The following KANK1 variants were observed in gnomAD, a reference collection of about 807,000 sequenced individuals.
KANK1 encodes KN motif and ankyrin repeat domain-containing protein 1.
Under a neutral mutation model 106.2 loss-of-function variants are expected in KANK1, and 109 were observed. The ratio of observed to expected loss-of-function variants is 1.03; its 90% confidence interval spans 0.88 to 1.20. The LOEUF (loss-of-function observed/expected upper bound fraction) is 1.20. KANK1 is among the 50% of genes most tolerant of loss of function. The pLI is 0.00. For synonymous variants in KANK1, 873 were observed against 652.2 expected (o/e 1.34, Z -5.16); for missense variants, 2,399 against 1,710.7 (o/e 1.40, Z -7.10).
chr9:573,574 A>AT (rs549021319), intron 1 of KANK1, among the ~76,000 whole-genome samples: 10 of 150,162 alleles, frequency 6.7e-5, no homozygotes, highest in Middle Eastern at 3.2e-3. Context: ...CCGGTCAAGG[A>AT]TTTTTTTTTT....
In KANK1 at chr9:504,758, A is replaced by AGTGACGCGGCGGGGCC. The variant is rs2058650479; in HGVS notation, c.-84+8_-84+23dup. On this transcript the variant is annotated splice_donor_region_variant and intron_variant, in intron 1 of 11. Transcript: ENST00000382297. Reference sequence around the variant, plus strand: ...AGGTTGGGAGGAGCGGCCGAAGGTGAGTGACGCGGCGGGGCCGTGCCGCGC... The same window carrying AGTGACGCGGCGGGGCC: ...AGGTTGGGAGGAGCGGCCGAAGGTGAGTGACGCGGCGGGGCCGTGACGCGGCGGGGCCGTGCCGCGC... The AGTGACGCGGCGGGGCC allele has an allele frequency of 1.3e-5, 1 of 75,460 alleles. No homozygotes were observed. Among genetic ancestry groups the AGTGACGCGGCGGGGCC allele is most frequent in the African/African-American group, 5.1e-5 (1 of 19,728 alleles). The allele number at this position is 75,460 out of a possible 1,614,324, so 4.7% of individuals were successfully genotyped here.
intron 4 of KANK1, 74 bp from the exon 5 acceptor site, chr9:731,084 A>C: frequency 1.4e-6 from 1 of 730,722 alleles, no homozygotes; most frequent in Non-Finnish European, 2.3e-6. Context: ...TGAGAAAAGA[A>C]CTGTACAGGA....
At chr9:617,736 C>T (rs959915997) in intron 1 of KANK1, among the ~76,000 whole-genome samples, 1 of 152,224 alleles carries the variant, frequency 6.6e-6, no homozygotes, top group Non-Finnish European at 1.5e-5. Flanking sequence ...GCAGACATTC[C>T]GATCAGCAGG....
At chr9:616,573 C>A (rs1427235161) in intron 1 of KANK1, among the ~76,000 whole-genome samples, 1 of 152,182 alleles carries the variant, frequency 6.6e-6, no homozygotes, top group African/African-American at 2.4e-5. Flanking sequence ...TACTTTATAT[C>A]CTCTATCCTT....
chr9:655,492 C>T (rs1362027204), intron 1 of KANK1, among the ~76,000 whole-genome samples: 1 of 152,104 alleles, frequency 6.6e-6, no homozygotes, highest in Non-Finnish European at 1.5e-5. Context: ...AACCAGTGCT[C>T]CTTCCACTTC....
At chr9:726,973 T>G (rs958204686) in intron 3 of KANK1, among the ~76,000 whole-genome samples, 3 of 152,208 alleles carry the variant, frequency 2.0e-5, no homozygotes, top group African/African-American at 7.2e-5. Flanking sequence ...TCAATTAAAA[T>G]AAAAAATTAT....
At chr9:576,664 T>C (rs1284169116) in intron 1 of KANK1, among the ~76,000 whole-genome samples, 1 of 152,158 alleles carries the variant, frequency 6.6e-6, no homozygotes, top group Non-Finnish European at 1.5e-5. Flanking sequence ...ATGCAGTTTG[T>C]GTTGGAGATA....
At chr9:540,114 A>G (rs1021144099) in intron 1 of KANK1, among the ~76,000 whole-genome samples, 3 of 152,176 alleles carry the variant, frequency 2.0e-5, no homozygotes, top group Non-Finnish European at 1.5e-5. Flanking sequence ...TTTGCTCCTG[A>G]TCTTAGAGGA....
chr9:649,690 A>C (rs1170303747), intron 1 of KANK1, among the ~76,000 whole-genome samples: 1 of 152,184 alleles, frequency 6.6e-6, no homozygotes, highest in East Asian at 1.9e-4. Flanking sequence ...GAAGACTGGC[A>C]TTCCTTCTTA....
At chr9:520,195 G>C (rs564002343) in intron 1 of KANK1, among the ~76,000 whole-genome samples, 3 of 151,706 alleles carry the variant, frequency 2.0e-5, no homozygotes, top group African/African-American at 7.3e-5. Flanking sequence ...AAAATTAGCC[G>C]TGTGTGGTAG....
Position 528,826 on chromosome 9 carries a change from G to A in KANK1, c.-84+24072G>A, listed in dbSNP as rs562170025. Among the ~76,000 whole-genome samples, 14 of 152,022 alleles carry A rather than the reference G, an allele frequency of 9.2e-5. No homozygotes were observed. The South Asian group carries it at 2.7e-3, about 29-fold the overall frequency. ...CTCAATTTTTTTTTCTTTGAGGCAG[G>A]ATCTTATTTGTAAGCCAGGCTGGAA... On this transcript the variant is annotated intron_variant, in intron 1 of 11. Transcript: ENST00000382297.
intron 2 of KANK1, chr9:693,292 C>A: frequency 1.4e-6 from 1 of 725,606 alleles, no homozygotes; most frequent in South Asian, 6.2e-5. Context: ...ATTTCCTTCA[C>A]AAGCCAGCTG....
In KANK1 at chr9:666,014, T is replaced by TA. The variant is rs562316511; in HGVS notation, c.-83-10867dup. Among the ~76,000 whole-genome samples the TA allele has an allele frequency of 3.7e-3, 563 of 151,020 alleles. 2 individuals are homozygous for TA. Among genetic ancestry groups the TA allele is most frequent in the Middle Eastern group, 6.8e-3 (2 of 292 alleles). On this transcript the variant is annotated intron_variant, in intron 1 of 11. Coordinates refer to ENST00000382297, the MANE Select transcript of KANK1 (RefSeq NM_015158.5). ...GGGCAGCATAGTGTGACCTCATCTCTAAAAAAAAATCAAAATATTAGCCAG... is the reference window on the plus strand; with the variant it reads ...GGGCAGCATAGTGTGACCTCATCTCTAAAAAAAAAATCAAAATATTAGCCAG...
At chr9:612,542 A>C (rs1830817188) in intron 1 of KANK1, among the ~76,000 whole-genome samples, 1 of 152,192 alleles carries the variant, frequency 6.6e-6, no homozygotes, top group Non-Finnish European at 1.5e-5. Flanking sequence ...TCTGCCTTTT[A>C]GTAAGCCTTT....
intron 1 of KANK1, among the ~76,000 whole-genome samples, chr9:636,467 C>G (rs1236183608): frequency 6.6e-6 from 1 of 152,112 alleles, no homozygotes; most frequent in Non-Finnish European, 1.5e-5. Context: ...CCACAGCATT[C>G]AGGACAATAT....
At chr9:574,849 C>T (rs1165954178) in intron 1 of KANK1, among the ~76,000 whole-genome samples, 16 of 134,462 alleles carry the variant, frequency 1.2e-4, no homozygotes, top group South Asian at 2.3e-4. Flanking sequence ...AGTGAGACTC[C>T]GTCTCAAAAA....
rs767399253 is a variant in KANK1 at position 711,786 on chromosome 9, A to G, written c.1020A>G (p.Arg340=). The stretch of plus-strand genomic sequence containing the variant: ...TGGAACAGCTCTCCCGGGCCCGAAG[A>G]AGTGGCGGGGAATTATACATTGACT... ...SQLEQLSRAR[R]SGGELYIDYE... Residue 340 remains arginine, a synonymous_variant, in exon 3 of 12, where the codon AGA becomes AGG. Transcript: ENST00000382297. 6.2e-7 allele frequency: 1 copy of G among 1,614,046 alleles called. No individual in the cohort carries two copies. The highest frequency in any genetic ancestry group is 1.1e-5 in the South Asian group (1 of 91,090).
intron 1 of KANK1, among the ~76,000 whole-genome samples, chr9:580,715 G>T (rs7852783): frequency 0.3 from 45,526 of 152,188 alleles, 7,251 homozygotes; most frequent in African/African-American, 0.39. Context: ...TCACCTAGTG[G>T]ATCCCGCACT....
intron 9 of KANK1, 102 bp downstream of exon 9, chr9:741,036 C>T (rs1007773262): frequency 6.7e-5 from 91 of 1,349,356 alleles, no homozygotes; most frequent in Admixed American, 8.9e-5. Flanking sequence ...ACGCTTCCAC[C>T]ACAGTGCACT....
Sources: gnomAD v4.1 joint callset for allele counts (sites outside exome capture counted in the v4.1 genomes callset) on GRCh38, gnomAD v4.1.1 for gene constraint, MANE v1.5 for transcripts, NCBI Gene and HGNC (gene_info 2026-07-23, HGNC 2026-07-21) for gene names.